Variants in NPSR1 observed in about 807,000 individuals in gnomAD.
NPSR1 encodes neuropeptide S receptor.
A neutral mutation model predicts 46.9 loss-of-function variants in NPSR1; 48 were observed. The ratio of observed to expected loss-of-function variants is 1.02; its 90% CI spans 0.81 to 1.30. The LOEUF (loss-of-function observed/expected upper bound fraction) is 1.30, where lower values mean the gene tolerates loss of function less well. Among genes scored for constraint, NPSR1 ranks in the 50% most tolerant of loss-of-function variants. NPSR1 has a pLI of 0.00. For missense variants in NPSR1, 450 were observed against 449.5 expected (o/e 1.00, Z -0.01); for synonymous variants, 176 against 168.1 (o/e 1.05, Z -0.36).
In NPSR1 at chr7:34,849,609, C is replaced by A; in HGVS notation, c.1070C>A (p.Thr357Asn). 1 of 1,614,164 alleles carries A rather than the reference C, an allele frequency of 6.2e-7. No homozygotes were observed. Among genetic ancestry groups the A allele is most frequent in the Non-Finnish European group, 8.5e-7 (1 of 1,180,018 alleles). Reference protein sequence around the residue: ...QDSRMTFRERTERHEMQILSK... With the variant: ...QDSRMTFRERNERHEMQILSK... The stretch of plus-strand genomic sequence containing the variant: ...TCCAGAATGACGTTCCGGGAGAGAA[C>A]TGAGAGGCATGAGATGCAGATTCTG... Residue 357 changes from threonine to asparagine, a missense_variant, in exon 9 of 9, where the codon ACT becomes AAT. Physicochemically the swap from Thr to Asn is moderately conservative, Grantham distance 65 (BLOSUM62 0). Coordinates refer to ENST00000360581, the MANE Select transcript of NPSR1 (RefSeq NM_207172.2).
rs147561275 is a variant in NPSR1, at chr7:34,668,294, T to TAGA, written c.147+9736_147+9738dup. Among the ~76,000 whole-genome samples, 1,522 of 152,352 alleles carry TAGA rather than the reference T, an allele frequency of 1.0e-2. 29 individuals are homozygous for TAGA. Among genetic ancestry groups the TAGA allele is most frequent in the African/African-American group, 0.035 (1,467 of 41,580 alleles). ...GTTTCTCATCTTTCACGTATTATTG[T>TAGA]AGACTCTAACCCTTAGCAACACAGA... On this transcript the variant is annotated intron_variant, in intron 1 of 8. Transcript: ENST00000360581.
At chr7:34,727,812 T>G (rs1784233734) in intron 2 of NPSR1, among the ~76,000 whole-genome samples, 1 of 152,206 alleles carries the variant, frequency 6.6e-6, no homozygotes, top group Admixed American at 6.5e-5. Flanking sequence ...CACATTAAAG[T>G]GCCCTTTCTT....
intron 2 of NPSR1, among the ~76,000 whole-genome samples, chr7:34,732,300 C>T (rs1374471220): frequency 6.6e-6 from 1 of 152,104 alleles, no homozygotes; most frequent in Non-Finnish European, 1.5e-5. Context: ...AATGCTGGAA[C>T]AGGTCATGAG....
In NPSR1 at chr7:34,786,665, C is replaced by G. The variant is rs150749542; in HGVS notation, c.384+8100C>G. ...TAACACTGGAAAGTCAAAATTACTCCTTGATCTATGGGATGCAAAATGGAT... is the reference window on the plus strand; with the variant it reads ...TAACACTGGAAAGTCAAAATTACTCGTTGATCTATGGGATGCAAAATGGAT... On this transcript the variant is annotated intron_variant, in intron 3 of 8. Transcript: ENST00000360581. 4.3e-4 allele frequency among the ~76,000 whole-genome samples: 66 copies of G among 152,238 alleles called. 1 individual carries two copies. In the East Asian group the frequency reaches 0.012, roughly 28 times the overall value.
At chr7:34,759,094 T>A (rs1304701521) in intron 2 of NPSR1, among the ~76,000 whole-genome samples, 1 of 152,216 alleles carries the variant, frequency 6.6e-6, no homozygotes, top group South Asian at 2.1e-4. Flanking sequence ...AGACACAGTA[T>A]ATCAATTTGT....
At chr7:34,713,948 T>C (rs1180843869) in intron 2 of NPSR1, among the ~76,000 whole-genome samples, 1 of 152,242 alleles carries the variant, frequency 6.6e-6, no homozygotes, top group Non-Finnish European at 1.5e-5. Context: ...TAACAAACCA[T>C]CCCAAATATT....
chr7:34,762,936 G>A (rs1786247533), intron 2 of NPSR1, among the ~76,000 whole-genome samples: 1 of 152,148 alleles, frequency 6.6e-6, no homozygotes, highest in African/African-American at 2.4e-5. Context: ...TGCTATGCAG[G>A]GGAAAGTGCA....
chr7:34,770,539 A>G (rs1374647759), intron 2 of NPSR1, among the ~76,000 whole-genome samples: 1 of 152,212 alleles, frequency 6.6e-6, no homozygotes, highest in Non-Finnish European at 1.5e-5. Context: ...TGAATGGTCA[A>G]GGAAAGCTTC....
At chr7:34,704,361 A>T (rs1793996961) in intron 2 of NPSR1, among the ~76,000 whole-genome samples, 1 of 150,770 alleles carries the variant, frequency 6.6e-6, no homozygotes. Flanking sequence ...ACCCAAAAAA[A>T]CTAATAGTTT....
At chr7:34,788,635 A>G (rs1233318653) in intron 3 of NPSR1, among the ~76,000 whole-genome samples, 1 of 152,086 alleles carries the variant, frequency 6.6e-6, no homozygotes, top group Non-Finnish European at 1.5e-5. Context: ...ATATATATGG[A>G]CCCTACACTG....
intron 8 of NPSR1, among the ~76,000 whole-genome samples, chr7:34,873,623 A>G (rs531852277): frequency 5.9e-5 from 9 of 151,724 alleles, no homozygotes; most frequent in African/African-American, 2.2e-4. Flanking sequence ...CAGATCTCAC[A>G]TGAACTACCA....
intron 3 of NPSR1, among the ~76,000 whole-genome samples, chr7:34,803,939 C>T (rs905379345): frequency 2.6e-5 from 4 of 151,936 alleles, no homozygotes; most frequent in Non-Finnish European, 4.4e-5. Context: ...TCTGCCAAAA[C>T]TCACATAAAG....
chr7:34,658,624 T>A, intron 1 of NPSR1, 65 bp downstream of exon 1: 2 of 1,469,726 alleles, frequency 1.4e-6, no homozygotes, highest in Admixed American at 1.8e-5. Context: ...AACTTAAGAG[T>A]GTCAATTGAA....
In NPSR1 at chr7:34,844,897, T is replaced by C; in HGVS notation, c.759T>C (p.Asp253=). 6.3e-7 allele frequency: 1 copy of C among 1,589,330 alleles called. No individual in the cohort carries two copies. The highest frequency in any genetic ancestry group is 8.6e-7 in the Non-Finnish European group (1 of 1,157,520). ...TYETVISNCS[D]GKLCSSYNRG... ...ACTATTCCCCTCTTGTATCTACAGA[T>C]GGGAAACTGTGCAGCAGCTATAACC... Residue 253 remains aspartate (D), a splice_region_variant and synonymous_variant, in exon 7 of 9, where the codon GAT becomes GAC. Transcript: ENST00000360581.
chr7:34,822,347 G>C (rs1198101597), intron 4 of NPSR1, among the ~76,000 whole-genome samples: 2 of 152,152 alleles, frequency 1.3e-5, no homozygotes, highest in Non-Finnish European at 2.9e-5. Context: ...ATGGAGCAGG[G>C]AGAAACCAGG....
chr7:34,746,953 C>T (rs1284224722), intron 2 of NPSR1, among the ~76,000 whole-genome samples: 2 of 151,822 alleles, frequency 1.3e-5, no homozygotes, highest in Non-Finnish European at 2.9e-5. Flanking sequence ...GGTGAAACCC[C>T]GTGTCTATTA....
chr7:34,755,353 G>A (rs1393660902), intron 2 of NPSR1, among the ~76,000 whole-genome samples: 1 of 152,152 alleles, frequency 6.6e-6, no homozygotes, highest in African/African-American at 2.4e-5. Flanking sequence ...TTAGGTCAAG[G>A]ATACAAAGTA....
chr7:34,778,695 G>A (rs1701356242), intron 3 of NPSR1, 130 bp downstream of exon 3: 1 of 548,856 alleles, frequency 1.8e-6, no homozygotes, highest in African/African-American at 2.0e-5. Flanking sequence ...TGGGTAGAAG[G>A]GCAATGAAAA....
intron 2 of NPSR1, chr7:34,719,534 T>C (rs1034403744): frequency 1.3e-5 from 2 of 152,232 alleles, no homozygotes; most frequent in African/African-American, 2.4e-5. Context: ...AATGATGACA[T>C]GCTGTCTCTA....
Sources: allele counts gnomAD v4.1 joint callset (sites outside exome capture counted in the v4.1 genomes callset), GRCh38; gene constraint gnomAD v4.1.1; transcripts MANE v1.5; gene names NCBI Gene and HGNC (gene_info 2026-07-23, HGNC 2026-07-21).